Variants in CSMD1 observed in about 807,000 individuals in gnomAD.
The protein encoded by CSMD1 is CUB and sushi domain-containing protein 1.
Under a neutral mutation model 417.5 loss-of-function variants are expected in CSMD1, and 213 were observed. The ratio of observed to expected loss-of-function variants is 0.51; its 90% CI spans 0.46 to 0.57. The LOEUF (loss-of-function observed/expected upper bound fraction) is 0.57. Ranked by LOEUF, CSMD1 falls within the 20% of genes least tolerant of loss-of-function variation. The pLI is 0.00. For missense variants in CSMD1, 6,923 were observed against 4,529.7 expected (o/e 1.53, Z -15.17); for synonymous variants, 2,862 against 1,736.8 (o/e 1.65, Z -16.11).
chr8:2,984,686 G>A (rs767107954), intron 54 of CSMD1, among the ~76,000 whole-genome samples: 10 of 152,192 alleles, frequency 6.6e-5, no homozygotes, highest in South Asian at 2.1e-4. Context: ...AACGGCCAGC[G>A]AAGATGAGCA....
intron 3 of CSMD1, among the ~76,000 whole-genome samples, chr8:4,130,530 G>C (rs893080988): frequency 3.9e-5 from 6 of 152,036 alleles, no homozygotes; most frequent in East Asian, 1.9e-4. Flanking sequence ...TTTTGCATTA[G>C]GATTCTTCTT....
At chr8:4,316,879 A>G (rs879849495) in intron 3 of CSMD1, among the ~76,000 whole-genome samples, 9 of 152,164 alleles carry the variant, frequency 5.9e-5, no homozygotes, top group Non-Finnish European at 1.2e-4. Context: ...GTTATACTCC[A>G]AATCTTGGGG....
chr8:4,836,367 C>T (rs772652690), intron 1 of CSMD1, among the ~76,000 whole-genome samples: 2 of 152,200 alleles, frequency 1.3e-5, no homozygotes, highest in Non-Finnish European at 2.9e-5. Context: ...TGGAGCCATG[C>T]CACATCTTGC....
At chr8:3,842,647 A>G (rs1408335232) in intron 5 of CSMD1, among the ~76,000 whole-genome samples, 1 of 152,136 alleles carries the variant, frequency 6.6e-6, no homozygotes, top group Non-Finnish European at 1.5e-5. Flanking sequence ...ATTTTTTAGA[A>G]CACTCATAAA....
intron 5 of CSMD1, among the ~76,000 whole-genome samples, chr8:3,965,610 T>TTTTA (rs59421208): frequency 0.014 from 2,127 of 152,040 alleles, 42 homozygotes; most frequent in African/African-American, 0.048. Context: ...TAAAATTTCT[T>TTTTA]TTTATTTATT....
At chr8:3,706,603 C>T (rs755702638) in intron 7 of CSMD1, among the ~76,000 whole-genome samples, 4 of 152,008 alleles carry the variant, frequency 2.6e-5, no homozygotes, top group Non-Finnish European at 4.4e-5. Context: ...CTCCTTATTA[C>T]AAAAGAAAAA....
At chr8:3,099,103 C>G (rs1412464915) in intron 46 of CSMD1, among the ~76,000 whole-genome samples, 1 of 152,080 alleles carries the variant, frequency 6.6e-6, no homozygotes, top group Admixed American at 6.6e-5. Context: ...ACCCTTCCCC[C>G]AAGCCTCTTT....
chr8:4,056,892 T>G (rs1349574814), intron 3 of CSMD1, among the ~76,000 whole-genome samples: 5 of 152,240 alleles, frequency 3.3e-5, no homozygotes, highest in African/African-American at 1.2e-4. Context: ...TGCATAGTAT[T>G]CCATAGAGTA....
intron 2 of CSMD1, among the ~76,000 whole-genome samples, chr8:4,477,563 C>CT (rs1031726387): frequency 3.5e-4 from 54 of 152,282 alleles, no homozygotes; most frequent in African/African-American, 1.3e-3. Context: ...AAATGTACAT[C>CT]TTTTTTTAAA....
chr8:4,642,781 G>A (rs1803277549), intron 1 of CSMD1, among the ~76,000 whole-genome samples: 1 of 152,170 alleles, frequency 6.6e-6, no homozygotes, highest in Non-Finnish European at 1.5e-5. Context: ...TTATGATGAG[G>A]GAATGGTTTT....
intron 1 of CSMD1, among the ~76,000 whole-genome samples, chr8:4,833,802 C>G (rs1264740995): frequency 6.6e-6 from 1 of 152,184 alleles, no homozygotes; most frequent in Non-Finnish European, 1.5e-5. Context: ...GATAGATCAG[C>G]TGACTAAAAG....
chr8:3,898,971 G>T (rs1407718828), intron 5 of CSMD1, among the ~76,000 whole-genome samples: 1 of 152,094 alleles, frequency 6.6e-6, no homozygotes, highest in Admixed American at 6.6e-5. Context: ...AAACAAATGG[G>T]ACCATACAGT....
chr8:3,894,364 T>C (rs1291975617), intron 5 of CSMD1, among the ~76,000 whole-genome samples: 5 of 152,144 alleles, frequency 3.3e-5, no homozygotes, highest in Non-Finnish European at 7.3e-5. Context: ...TAAATGGGTG[T>C]TGCAACTCAA....
chr8:3,739,347 G>T (rs1467733813), intron 6 of CSMD1, among the ~76,000 whole-genome samples: 1 of 152,204 alleles, frequency 6.6e-6, no homozygotes, highest in African/African-American at 2.4e-5. Flanking sequence ...TGGCACCACA[G>T]TGTGACTGTA....
At chr8:4,349,380 C>T (rs928858670) in intron 3 of CSMD1, among the ~76,000 whole-genome samples, 4 of 152,110 alleles carry the variant, frequency 2.6e-5, no homozygotes, top group Non-Finnish European at 5.9e-5. Context: ...TTAAAGCATC[C>T]TTTTGTGGTA....
At chr8:4,705,254 A>G (rs543131164) in intron 1 of CSMD1, among the ~76,000 whole-genome samples, 1 of 152,030 alleles carries the variant, frequency 6.6e-6, no homozygotes, top group South Asian at 2.1e-4. Flanking sequence ...AGTCTCTGGT[A>G]TTTTTTTTAT....
At chr8:3,784,969 A>C (rs905894264) in intron 5 of CSMD1, among the ~76,000 whole-genome samples, 1 of 152,220 alleles carries the variant, frequency 6.6e-6, no homozygotes, top group South Asian at 2.1e-4. Context: ...TAATTTTATC[A>C]TTCTGGTAAA....
chr8:4,014,733 G>A (rs1018012306), intron 4 of CSMD1, among the ~76,000 whole-genome samples: 2 of 152,132 alleles, frequency 1.3e-5, no homozygotes, highest in East Asian at 1.9e-4. Context: ...TAAACACTTC[G>A]CATGACTGCC....
chr8:3,448,951 G>C (rs774489367), intron 12 of CSMD1, among the ~76,000 whole-genome samples: 18 of 152,230 alleles, frequency 1.2e-4, no homozygotes, highest in Non-Finnish European at 2.1e-4. Flanking sequence ...ATGTAGGAAA[G>C]AAGGTGACAG....
Sources: gnomAD v4.1 joint callset for allele counts (sites outside exome capture counted in the v4.1 genomes callset) on GRCh38, gnomAD v4.1.1 for gene constraint, MANE v1.5 for transcripts, NCBI Gene and HGNC (gene_info 2026-07-23, HGNC 2026-07-21) for gene names.